The following GATAD1 variants were observed in gnomAD, a reference collection of about 807,000 sequenced individuals.
GATAD1 encodes GATA zinc finger domain containing 1, also known as GATA zinc finger domain-containing protein 1.
Under a neutral mutation model 26.5 loss-of-function variants are expected in GATAD1, and 12 were observed. The observed-to-expected ratio is 0.45, with a 90% confidence interval of 0.29 to 0.73. GATAD1 has a LOEUF of 0.73. Ranked by LOEUF, GATAD1 falls within the 30% of genes least tolerant of loss-of-function variation. The probability of loss-of-function intolerance (pLI) is 0.10; values close to 1 mark genes in which losing one functional copy is unlikely to be tolerated. For synonymous variants in GATAD1, 129 were observed against 133.1 expected (o/e 0.97, Z 0.21); for missense variants, 266 against 342.1 (o/e 0.78, Z 1.75).
chr7:92,469,501 A>T, the GATAD1 span: 1 of 768,958 alleles, frequency 1.3e-6, no homozygotes. Context: ...CATAGGGGGC[A>T]CTAAGAATGA....
chr7:92,477,419 C>T, the GATAD1 span: 6 of 152,368 alleles, frequency 3.9e-5, no homozygotes, highest in African/African-American at 4.8e-5. Flanking sequence ...AAAATGTTAC[C>T]GGGGGGTCCT....
At chr7:92,464,158 G>A (rs1790022889), downstream of GATAD1, among the ~76,000 whole-genome samples, 1 of 151,954 alleles carries the variant, frequency 6.6e-6, no homozygotes, top group Non-Finnish European at 1.5e-5. Context: ...AAAATACGTG[G>A]GCAAAGATCC....
At chr7:92,453,874 G>C (rs1011592598) in intron 3 of GATAD1, among the ~76,000 whole-genome samples, 4 of 152,118 alleles carry the variant, frequency 2.6e-5, no homozygotes, top group Non-Finnish European at 5.9e-5. Context: ...AACAAAGTAG[G>C]GATAGTACGG....
At chr7:92,474,145 C>A in the GATAD1 span, among the ~76,000 whole-genome samples, 587 of 152,130 alleles carry the variant, frequency 3.9e-3, 2 homozygotes, top group African/African-American at 0.014. Flanking sequence ...AAAGCGGTGG[C>A]CTTTTTTTTA....
chr7:92,468,221 G>C, the GATAD1 span, among the ~76,000 whole-genome samples: 1 of 152,318 alleles, frequency 6.6e-6, no homozygotes, highest in African/African-American at 2.4e-5. Flanking sequence ...GCCCGATTGG[G>C]AGCGGCAATG....
the GATAD1 span, among the ~76,000 whole-genome samples, chr7:92,487,736 G>A: frequency 1.3e-5 from 2 of 152,112 alleles, no homozygotes; most frequent in African/African-American, 4.8e-5. Flanking sequence ...ACGGAGCAAA[G>A]GGGATGAAGA....
chr7:92,456,675 A>G lies in GATAD1; in HGVS notation c.*113A>G, dbSNP rs1299500739. ...CAATGGAGTCAGATTCTCTTTCTTA[A>G]AAAACCACAAAAAAACTGGATTTCC... On this transcript the variant is annotated 3_prime_UTR_variant, in exon 5 of 5. Coordinates refer to ENST00000287957, the MANE Select transcript of GATAD1 (RefSeq NM_021167.5). The G allele has an allele frequency of 1.7e-6, 1 of 577,792 alleles. No homozygotes were observed. Among genetic ancestry groups the G allele is most frequent in the Non-Finnish European group, 3.0e-6 (1 of 333,626 alleles). 35.8% of individuals were successfully genotyped at this position (577,792 alleles called of 1,614,324 possible).
the GATAD1 span, chr7:92,489,984 TA>T: frequency 8.7e-7 from 1 of 1,150,694 alleles, no homozygotes; most frequent in Non-Finnish European, 1.3e-6. Flanking sequence ...TTACCAAATA[TA>T]AAAATTAAAC....
At chr7:92,494,720 G>A in the GATAD1 span, 2 of 943,458 alleles carry the variant, frequency 2.1e-6, no homozygotes, top group South Asian at 1.8e-5. Context: ...TTTATTTTAT[G>A]TATTTATATA....
the GATAD1 span, among the ~76,000 whole-genome samples, chr7:92,475,805 C>T: frequency 6.6e-6 from 1 of 152,144 alleles, no homozygotes; most frequent in Non-Finnish European, 1.5e-5. Context: ...CCCAGCTGCC[C>T]CATCAAGATG....
chr7:92,483,420 C>A, the GATAD1 span, among the ~76,000 whole-genome samples: 2 of 152,250 alleles, frequency 1.3e-5, no homozygotes, highest in African/African-American at 4.8e-5. Context: ...TTCTTGTACA[C>A]CTTGAAGTGA....
At chr7:92,460,124 T>A (rs1427989288), downstream of GATAD1, among the ~76,000 whole-genome samples, 1 of 152,024 alleles carries the variant, frequency 6.6e-6, no homozygotes, top group African/African-American at 2.4e-5. Flanking sequence ...CCAGGCCTAA[T>A]AAGTTTTCCA....
the GATAD1 span, among the ~76,000 whole-genome samples, chr7:92,487,864 C>G: frequency 2.6e-5 from 4 of 151,832 alleles, no homozygotes; most frequent in African/African-American, 2.4e-5. Flanking sequence ...TCAAAAGGGC[C>G]AAGTTTAGAA....
chr7:92,447,689 C>T lies in GATAD1; in HGVS notation c.-41C>T. On this transcript the variant is annotated 5_prime_UTR_variant, in exon 1 of 5. Transcript: ENST00000287957. Reference sequence around the variant, plus strand: ...GCGGCCGGGCTACCGTCCGCCATTCCCGTGTCTCTGCGCCCGCGGGGGCCG... The same window carrying T: ...GCGGCCGGGCTACCGTCCGCCATTCTCGTGTCTCTGCGCCCGCGGGGGCCG... 1 of 1,409,940 alleles carries T rather than the reference C, an allele frequency of 7.1e-7. No individual in the cohort carries two copies. Among genetic ancestry groups the T allele is most frequent in the Non-Finnish European group, 9.3e-7 (1 of 1,080,710 alleles). 87.3% of individuals were successfully genotyped at this position (1,409,940 alleles called of 1,614,324 possible).
the GATAD1 span, chr7:92,470,209 C>T: frequency 2.6e-6 from 2 of 778,300 alleles, no homozygotes; most frequent in African/African-American, 1.7e-5. Context: ...GGTGGGGGTT[C>T]CCTTAGAAAG....
the GATAD1 span, among the ~76,000 whole-genome samples, chr7:92,485,988 T>TAATC: frequency 6.6e-6 from 1 of 152,362 alleles, no homozygotes; most frequent in Non-Finnish European, 1.5e-5. Context: ...GTGCTTATAC[T>TAATC]AATCAAGTGG....
downstream of GATAD1, among the ~76,000 whole-genome samples, chr7:92,462,711 A>G (rs1789965637): frequency 6.6e-6 from 1 of 152,168 alleles, no homozygotes; most frequent in Admixed American, 6.5e-5. Context: ...TCAGATTTCT[A>G]CGAGGTCATG....
chr7:92,467,317 TAA>T, the GATAD1 span, among the ~76,000 whole-genome samples: 1 of 148,540 alleles, frequency 6.7e-6, no homozygotes, highest in African/African-American at 2.5e-5. Context: ...CGTCTCAAAA[TAA>T]AAAAAAAATT....
In GATAD1 at chr7:92,447,943, C is replaced by G; in HGVS notation, c.214C>G (p.Pro72Ala). The G allele has an allele frequency of 2.4e-6, 3 of 1,235,550 alleles. No individual in the cohort carries two copies. Among genetic ancestry groups the G allele is most frequent in the Non-Finnish European group, 3.0e-6 (3 of 991,030 alleles). The allele number at this position is 1,235,550 out of a possible 1,614,324, so 76.5% of individuals were successfully genotyped here. ...AATFASTSAT[P>A]PQSNGGGGGK... Reference sequence around the variant, plus strand: ...GACCTTCGCCAGCACCTCCGCCACCCCTCCGCAGAGCAACGGGGGCGGGGG... The same window carrying G: ...GACCTTCGCCAGCACCTCCGCCACCGCTCCGCAGAGCAACGGGGGCGGGGG... Residue 72 changes from proline to alanine, a missense_variant, in exon 1 of 5, where the codon CCT becomes GCT. Pro to Ala is a conservative substitution (Grantham distance 27). Coordinates refer to ENST00000287957, the MANE Select transcript of GATAD1 (RefSeq NM_021167.5).
Sources: allele counts gnomAD v4.1 joint callset (sites outside exome capture counted in the v4.1 genomes callset), GRCh38; gene constraint gnomAD v4.1.1; transcripts MANE v1.5; gene names NCBI Gene and HGNC (gene_info 2026-07-23, HGNC 2026-07-21).